Variants in WASHC2A observed in about 807,000 individuals in gnomAD.
WASHC2A encodes the protein WASH complex subunit FAM21A.
Under a neutral mutation model 140.3 loss-of-function variants are expected in WASHC2A, and 82 were observed. That is an observed-to-expected ratio of 0.58 (90% confidence interval 0.49 to 0.70). The LOEUF (loss-of-function observed/expected upper bound fraction) is 0.70. WASHC2A is among the 30% of genes least tolerant of loss of function. WASHC2A has a pLI of 0.00. For missense variants in WASHC2A, 985 were observed against 1,521.8 expected (o/e 0.65, Z 5.87); for synonymous variants, 340 against 560.8 (o/e 0.61, Z 5.56).
intron 3 of WASHC2A, among the ~76,000 whole-genome samples, chr10:50,074,922 A>T (rs1838169691): frequency 7.0e-6 from 1 of 143,876 alleles, no homozygotes; most frequent in Non-Finnish European, 1.5e-5. Context: ...TCTCAAAAAA[A>T]TAATAATAAA....
intron 17 of WASHC2A, among the ~76,000 whole-genome samples, chr10:50,100,792 C>T (rs1369503583): frequency 6.6e-6 from 1 of 152,380 alleles, no homozygotes; most frequent in African/African-American, 2.4e-5. Flanking sequence ...CACTAACAGC[C>T]TCTGGGACCC....
chr10:50,122,003 C>T (rs1423565261), intron 23 of WASHC2A, among the ~76,000 whole-genome samples: 1 of 107,484 alleles, frequency 9.3e-6, no homozygotes, highest in African/African-American at 3.4e-5. Context: ...ACAAGCTGAT[C>T]CTAAAATTTT....
At chr10:50,089,926 A>G (rs1184377864) in intron 8 of WASHC2A, among the ~76,000 whole-genome samples, 19 of 152,072 alleles carry the variant, frequency 1.2e-4, no homozygotes, top group African/African-American at 4.3e-4. Flanking sequence ...CCTGGCCAAC[A>G]TGGTGAAACC....
chr10:50,074,691 G>T (rs1243956577), intron 3 of WASHC2A, among the ~76,000 whole-genome samples: 1 of 152,108 alleles, frequency 6.6e-6, no homozygotes, highest in Non-Finnish European at 1.5e-5. Flanking sequence ...GAGGTGGGCG[G>T]ATCACGAGGT....
intron 16 of WASHC2A, among the ~76,000 whole-genome samples, chr10:50,099,035 T>C (rs1174463493): frequency 1.3e-5 from 2 of 152,112 alleles, no homozygotes; most frequent in Non-Finnish European, 2.9e-5. Context: ...GAATACCTGT[T>C]CTCTCCCAGC....
chr10:50,125,517 G>A, intron 25 of WASHC2A, 68 bp downstream of exon 25: 2 of 1,611,288 alleles, frequency 1.2e-6, no homozygotes, highest in Non-Finnish European at 1.7e-6. Flanking sequence ...CTAACGTCCA[G>A]TTAGATCATT....
At chr10:50,132,718 T>C in intron 30 of WASHC2A, 88 bp from the exon 31 acceptor site, 2 of 1,611,336 alleles carry the variant, frequency 1.2e-6, no homozygotes, top group South Asian at 2.2e-5. Flanking sequence ...TTACCAGAGC[T>C]GGGTCTTTGG....
At chr10:50,131,705 C>T (rs1336401303) in intron 30 of WASHC2A, among the ~76,000 whole-genome samples, 1 of 152,208 alleles carries the variant, frequency 6.6e-6, no homozygotes, top group Non-Finnish European at 1.5e-5. Context: ...TCCTACTCTC[C>T]CCATCAATCT....
At chr10:50,094,979 A>G (rs564462348) in intron 13 of WASHC2A, among the ~76,000 whole-genome samples, 169 bp from the exon 14 acceptor site, 19 of 152,274 alleles carry the variant, frequency 1.2e-4, no homozygotes, top group Non-Finnish European at 2.2e-4. Context: ...AAGTCCTGAC[A>G]TCGGTAGAGA....
At chr10:50,068,858 T>C (rs1554875186) in intron 2 of WASHC2A, among the ~76,000 whole-genome samples, 1 of 145,478 alleles carries the variant, frequency 6.9e-6, no homozygotes, top group African/African-American at 2.6e-5. Context: ...ACTATAGGCG[T>C]CCACCACACC....
At chr10:50,090,521 T>G (rs1172812667) in intron 8 of WASHC2A, among the ~76,000 whole-genome samples, 3 of 128,370 alleles carry the variant, frequency 2.3e-5, no homozygotes, top group Non-Finnish European at 5.2e-5. Flanking sequence ...AAAAAATATA[T>G]ATATATATAT....
chr10:50,072,481 CTTTT>C (rs11440968), intron 3 of WASHC2A, among the ~76,000 whole-genome samples: 78 of 90,596 alleles, frequency 8.6e-4, no homozygotes, highest in Admixed American at 1.3e-3. Context: ...AGTGATCTGG[CTTTT>C]TTTTTTTTTT....
intron 15 of WASHC2A, among the ~76,000 whole-genome samples, chr10:50,097,039 G>A (rs557991033): frequency 0.044 from 5,603 of 127,690 alleles, 809 homozygotes; most frequent in African/African-American, 0.068. Context: ...AGGGGTCTAC[G>A]CTTGTTGACT....
At chr10:50,095,994 T>C (rs2132629796) in intron 15 of WASHC2A, among the ~76,000 whole-genome samples, 1 of 78,838 alleles carries the variant, frequency 1.3e-5, no homozygotes, top group East Asian at 3.6e-4. Flanking sequence ...CTAATTACTA[T>C]GATTATTTTC....
chr10:50,126,011 T>G, intron 25 of WASHC2A, 46 bp from the exon 26 acceptor site: 1 of 1,606,244 alleles, frequency 6.2e-7, no homozygotes, highest in Non-Finnish European at 8.5e-7. Flanking sequence ...TTCCTTAAAA[T>G]TTCTAAGATA....
chr10:50,103,508 C>T (rs1229784147), intron 17 of WASHC2A, among the ~76,000 whole-genome samples: 4 of 152,040 alleles, frequency 2.6e-5, no homozygotes, highest in East Asian at 1.9e-4. Flanking sequence ...TTCAGTGAGC[C>T]GAGATTGCAC....
intron 19 of WASHC2A, among the ~76,000 whole-genome samples, chr10:50,107,455 A>G (rs1841891104): frequency 6.6e-6 from 1 of 151,520 alleles, no homozygotes; most frequent in African/African-American, 2.4e-5. Flanking sequence ...ATATGATGAT[A>G]TAAAAAATCC....
At chr10:50,130,860 T>C (rs1405402845) in intron 29 of WASHC2A, 41 bp from the exon 30 acceptor site, 2 of 1,607,176 alleles carry the variant, frequency 1.2e-6, no homozygotes, top group South Asian at 1.1e-5. Context: ...AAAAGAAAAA[T>C]TGATTTAACA....
chr10:50,116,274 C>T (rs1461703994), intron 21 of WASHC2A, among the ~76,000 whole-genome samples: 3 of 89,904 alleles, frequency 3.3e-5, no homozygotes, highest in Non-Finnish European at 6.7e-5. Flanking sequence ...ATACTTAAGT[C>T]TCTTTTTGTC....
Sources: allele counts gnomAD v4.1 joint callset (sites outside exome capture counted in the v4.1 genomes callset), GRCh38; gene constraint gnomAD v4.1.1; transcripts MANE v1.5; gene names NCBI Gene and HGNC (gene_info 2026-07-23, HGNC 2026-07-21).